CLIP3: variants seen among roughly 807,000 people sequenced by gnomAD.
CLIP3 encodes the protein CAP-Gly domain containing linker protein 3.
A neutral mutation model predicts 59.4 loss-of-function variants in CLIP3; 15 were observed. The observed-to-expected ratio is 0.25, with a 90% CI of 0.17 to 0.39. The LOEUF (loss-of-function observed/expected upper bound fraction) is 0.39. Ranked by LOEUF, CLIP3 falls within the 10% of genes least tolerant of loss-of-function variation. The pLI is 1.00. For synonymous variants in CLIP3, 300 were observed against 321.6 expected, an observed-to-expected ratio of 0.93 and a Z score of 0.72; for missense variants, 495 against 765.7, an observed-to-expected ratio of 0.65 and a Z score of 4.17.
Position 36,016,788 on chromosome 19 carries a change from A to G in CLIP3, c.1589+119T>C. 1 of 1,057,302 alleles carries G rather than the reference A, an allele frequency of 9.5e-7. No individual in the cohort carries two copies. Among genetic ancestry groups the G allele is most frequent in the Admixed American group, 2.1e-5 (1 of 47,664 alleles). The allele number at this position is 1,057,302 out of a possible 1,614,324, so 65.5% of individuals were successfully genotyped here. A position where few individuals can be genotyped will look rare whatever the true frequency, so the allele number is the denominator to read the frequency against. Reference sequence around the variant, plus strand: ...TTTCTGGGTATGCTTACAAGTCACAAGTTTTCCTAACCTCTCTTTCCAGCC... The same window carrying G: ...TTTCTGGGTATGCTTACAAGTCACAGGTTTTCCTAACCTCTCTTTCCAGCC... On this transcript the variant is annotated intron_variant, in intron 13 of 13. Transcript: ENST00000360535. The surrounding 1 kb of genome is among the most constrained non-coding windows in gnomAD (Gnocchi z 4.1).
Position 36,026,293 on chromosome 19 carries a change from G to A in CLIP3, c.563-28C>T, listed in dbSNP as rs376661185. 3.4e-5 allele frequency: 53 copies of A among 1,574,942 alleles called. No homozygotes were observed. The South Asian group carries it at 4.5e-4, about 14-fold the overall frequency. On this transcript the variant is annotated intron_variant, in intron 5 of 13. Coordinates refer to ENST00000360535, the MANE Select transcript of CLIP3 (RefSeq NM_015526.3). The surrounding 1 kb of genome is among the most constrained non-coding windows in gnomAD (Gnocchi z 6.3). Reference sequence around the variant, plus strand: ...GGAAGTGGGCAAGAGGAGGGGTTCCGGGTGAGCGCCTGTGGGACCCCAGCC... The same window carrying A: ...GGAAGTGGGCAAGAGGAGGGGTTCCAGGTGAGCGCCTGTGGGACCCCAGCC...
At chr19:36,019,417 C>T (rs890508315) in intron 7 of CLIP3, 111 bp from the exon 8 acceptor site, 3 of 1,316,906 alleles carry the variant, frequency 2.3e-6, no homozygotes, top group African/African-American at 1.5e-5. Context: ...GGGCCCAAAC[C>T]CCAGGTCACA....
Position 36,017,787 on chromosome 19 carries a change from C to T in CLIP3, c.1328-9G>A, listed in dbSNP as rs1319173453. 1.1e-5 allele frequency: 17 copies of T among 1,614,016 alleles called. No individual in the cohort carries two copies. The highest frequency in any genetic ancestry group is 5.0e-5 in the Admixed American group (3 of 59,988). On this transcript the variant is annotated splice_polypyrimidine_tract_variant and intron_variant, in intron 10 of 13. Transcript: ENST00000360535. ...AATGCCATACCAGTAACCTGCAGCACGAGGGTGTCAGGATTTCTCAAGGCC... is the reference window on the plus strand; with the variant it reads ...AATGCCATACCAGTAACCTGCAGCATGAGGGTGTCAGGATTTCTCAAGGCC...
chr19:36,026,998 G>A lies in CLIP3; in HGVS notation c.354C>T (p.Asp118=). The part of the protein sequence containing the change: ...CHVNDRDGLT[D]MTLLHYACKA... The stretch of plus-strand genomic sequence containing the variant: ...TGCACGCATAGTGGAGCAGTGTCAT[G>A]TCGGTCAGCCCGTCACGATCGTTCA... The change falls in exon 4 of 14, where the codon GAC becomes GAT. Residue 118 remains aspartate (D), a synonymous_variant. Coordinates refer to ENST00000360535, the MANE Select transcript of CLIP3 (RefSeq NM_015526.3). This position sits in a 1 kb window ranked among gnomAD's most constrained non-coding sequence, Gnocchi z 6.3. The A allele has an allele frequency of 6.3e-7, 1 of 1,585,214 alleles. No individual in the cohort carries two copies. Among genetic ancestry groups the A allele is most frequent in the South Asian group, 1.2e-5 (1 of 86,800 alleles).
Position 36,026,137 on chromosome 19 carries a change from G to C in CLIP3, c.681+10C>G. 1 of 1,604,522 alleles carries C rather than the reference G, an allele frequency of 6.2e-7. No individual in the cohort carries two copies. The highest frequency in any genetic ancestry group is 1.1e-5 in the South Asian group (1 of 90,824). ...GGAGGGTAACGGGTTCTGGGCAAGG[G>C]TGGCAGTACCCTCAGCGCAGGGTTG... is the stretch of plus-strand genomic sequence containing the variant. On this transcript the variant is annotated intron_variant, in intron 6 of 13. Transcript: ENST00000360535. The surrounding 1 kb of genome is among the most constrained non-coding windows in gnomAD (Gnocchi z 6.3).
intron 9 of CLIP3, 58 bp downstream of exon 9, chr19:36,018,840 G>A (rs201704470): frequency 5.7e-5 from 89 of 1,564,864 alleles, no homozygotes; most frequent in Non-Finnish European, 6.9e-5. Flanking sequence ...CAGAAGCTGA[G>A]CTACCCACAC....
chr19:36,025,234 G>A (rs1270267763), intron 6 of CLIP3, among the ~76,000 whole-genome samples: 1 of 152,098 alleles, frequency 6.6e-6, no homozygotes, highest in Non-Finnish European at 1.5e-5. Flanking sequence ...CACGCCCTCA[G>A]GGAGGCAATC....
rs571325393 is a variant in CLIP3, at chr19:36,017,678, G to A, written c.1428C>T (p.Phe476=). ...ACCTCTGAATACGGGATGCTGGTGCGAAGACCCCATGCCTCGGGGGGCAAG... is the reference window on the plus strand; with the variant it reads ...ACCTCTGAATACGGGATGCTGGTGCAAAGACCCCATGCCTCGGGGGGCAAG... ...YFTCPPRHGV[F]APASRIQRIG... Residue 476 remains phenylalanine, a synonymous_variant, in exon 11 of 14, where the codon TTC becomes TTT. Coordinates refer to ENST00000360535, the MANE Select transcript of CLIP3 (RefSeq NM_015526.3). 43 of 1,614,010 alleles carry A rather than the reference G, an allele frequency of 2.7e-5. No individual in the cohort carries two copies. Among genetic ancestry groups the A allele is most frequent in the East Asian group, 4.5e-5 (2 of 44,872 alleles).
At position 36,016,416 on chromosome 19, in the gene CLIP3, C is replaced by T. The variant is rs1968801295; in HGVS notation, c.1590-204G>A. On this transcript the variant is annotated intron_variant, in intron 13 of 13. Transcript: ENST00000360535. The surrounding 1 kb of genome is among the most constrained non-coding windows in gnomAD (Gnocchi z 4.1). ...AGGCTGGAGTGCCATGGCACGATCT[C>T]GGCTCACTGCAACCTCTGCCTCCCA... is the stretch of plus-strand genomic sequence containing the variant. 6.6e-6 allele frequency among the ~76,000 whole-genome samples: 1 copy of T among 152,164 alleles called. No individual in the cohort carries two copies. The highest frequency in any genetic ancestry group is 1.5e-5 in the Non-Finnish European group (1 of 68,024).
At chr19:36,019,633 T>C (rs1968904346) in intron 7 of CLIP3, among the ~76,000 whole-genome samples, 1 of 149,986 alleles carries the variant, frequency 6.7e-6, no homozygotes, top group Admixed American at 6.7e-5. Context: ...AGACAGCGTC[T>C]CACTCTGTTG....
chr19:36,027,906 C>T (rs1356354838), intron 2 of CLIP3, among the ~76,000 whole-genome samples: 1 of 150,174 alleles, frequency 6.7e-6, no homozygotes, highest in East Asian at 2.0e-4. Flanking sequence ...TGTGGTGGTG[C>T]GCATTGGTGC....
chr19:36,022,225 G>T (rs1968971031), intron 7 of CLIP3, among the ~76,000 whole-genome samples: 1 of 152,126 alleles, frequency 6.6e-6, no homozygotes, highest in Non-Finnish European at 1.5e-5. Flanking sequence ...CTAGAACAGT[G>T]CCTGGCACAC....
chr19:36,017,419 TGTCCCCGGG>T lies in CLIP3; in HGVS notation c.1474_1482del (p.Pro492_Asp494del). On this transcript the variant is annotated inframe_deletion, in exon 12 of 14. Transcript: ENST00000360535. Reference sequence around the variant, plus strand: ...TGATGCACTTTTTTGGCTCCAACGCTGTCCCCGGGGGAATCAGTGGATCCGCCAATCCTG... The same window carrying T: ...TGATGCACTTTTTTGGCTCCAACGCTGGAATCAGTGGATCCGCCAATCCTG... 6.2e-7 allele frequency: 1 copy of T among 1,614,120 alleles called. No homozygotes were observed.
chr19:36,017,508 A>G, intron 11 of CLIP3, 58 bp from the exon 12 acceptor site: 1 of 1,607,068 alleles, frequency 6.2e-7, no homozygotes. Context: ...GGTCTGACTG[A>G]GAGCTGGGCC....
Position 36,017,378 on chromosome 19 carries a change from T to G in CLIP3, c.1516+8A>C. The G allele has an allele frequency of 6.2e-7, 1 of 1,613,854 alleles. No individual in the cohort carries two copies. The highest frequency in any genetic ancestry group is 8.5e-7 in the Non-Finnish European group (1 of 1,179,768). On this transcript the variant is annotated splice_region_variant and intron_variant, in intron 12 of 13. Transcript: ENST00000360535. ...ACACTCCTCCCAACATATCATCCCC[T>G]AACTCACTTGTCACTTGATGCACTT...
chr19:36,018,181 C>T (rs1470423722), intron 9 of CLIP3, among the ~76,000 whole-genome samples, 190 bp from the exon 10 acceptor site: 2 of 152,132 alleles, frequency 1.3e-5, no homozygotes, highest in East Asian at 3.9e-4. Flanking sequence ...TGAAGAACCC[C>T]AAAATCCTTT....
chr19:36,027,241 G>A lies in CLIP3; in HGVS notation c.197C>T (p.Ala66Val), dbSNP rs750880445. The A allele has an allele frequency of 4.3e-6, 7 of 1,611,582 alleles. No individual in the cohort carries two copies. The highest frequency in any genetic ancestry group is 2.2e-5 in the East Asian group (1 of 44,890). The change falls in exon 3 of 14, where the codon GCG becomes GTG. Residue 66 changes from alanine to valine, a missense_variant. Around this residue, in one of 5 missense-constraint regions of CLIP3, gnomAD observed 90 missense variants for 105.2 expected, o/e 0.86. Coordinates refer to ENST00000360535, the MANE Select transcript of CLIP3 (RefSeq NM_015526.3). ...AGGGTCAAACAGGATCTCCTGGCACGCCGGGTCATTGGGATCGAAGAAGGT... is the reference window on the plus strand; with the variant it reads ...AGGGTCAAACAGGATCTCCTGGCACACCGGGTCATTGGGATCGAAGAAGGT... ...AFTFFDPNDP[A>V]CQEILFDPQT...
chr19:36,018,006 T>C lies in CLIP3; in HGVS notation c.1184-15A>G, dbSNP rs1968848512. The C allele has an allele frequency of 6.2e-7, 1 of 1,613,006 alleles. No homozygotes were observed. The highest frequency in any genetic ancestry group is 1.1e-5 in the South Asian group (1 of 91,040). On this transcript the variant is annotated splice_polypyrimidine_tract_variant and intron_variant, in intron 9 of 13. Transcript: ENST00000360535. ...CTTCTTCTTGCCTAAGGGTAGAAGG[T>C]GTAGGAGGTGGGTAGTGGGGCTGAG...
Position 36,016,145 on chromosome 19 carries a change from G to C in CLIP3, c.*13C>G. On this transcript the variant is annotated 3_prime_UTR_variant, in exon 14 of 14. Coordinates refer to ENST00000360535, the MANE Select transcript of CLIP3 (RefSeq NM_015526.3). This position sits in a 1 kb window ranked among gnomAD's most constrained non-coding sequence, Gnocchi z 4.1. ...AGTGGGGACTCTGTCTCTTTGTCAG[G>C]TGTCCAGGGCCTCTAAGACTGCATC... is the stretch of plus-strand genomic sequence containing the variant. The C allele has an allele frequency of 6.2e-7, 1 of 1,613,858 alleles. No individual in the cohort carries two copies. Among genetic ancestry groups the C allele is most frequent in the Admixed American group, 1.7e-5 (1 of 59,992 alleles).
Sources: gnomAD v4.1 joint callset for allele counts (sites outside exome capture counted in the v4.1 genomes callset) on GRCh38, gnomAD v4.1.1 for gene constraint, gnomAD v4.1.1 regional missense constraint, Gnocchi (gnomAD v3.1) non-coding constraint, MANE v1.5 for transcripts, NCBI Gene and HGNC (gene_info 2026-07-23, HGNC 2026-07-21) for gene names.